The following GIPC3 variants were observed in gnomAD, a reference collection of about 807,000 sequenced individuals.
The protein encoded by GIPC3 is GIPC PDZ domain containing family member 3.
GIPC3 carries 16 observed loss-of-function variants against 27.3 expected under a neutral mutation model. The ratio of observed to expected loss-of-function variants is 0.59; its 90% CI spans 0.40 to 0.89. The LOEUF is 0.89. GIPC3 is among the 40% of genes least tolerant of loss of function. The pLI is 0.00. For missense variants in GIPC3, 440 were observed against 442.1 expected, an observed-to-expected ratio of 1.00 and a Z score of 0.04; for synonymous variants, 194 against 184.6, an observed-to-expected ratio of 1.05 and a Z score of -0.41.
chr19:3,593,276 CG>C lies in GIPC3; in HGVS notation c.*3092del, dbSNP rs2032524704. 8.1e-7 allele frequency: 1 copy of C among 1,232,402 alleles called. No individual in the cohort carries two copies. Among genetic ancestry groups the C allele is most frequent in the Non-Finnish European group, 1.0e-6 (1 of 988,198 alleles). The allele number at this position is 1,232,402 out of a possible 1,614,324, so 76.3% of individuals were successfully genotyped here. On this transcript the variant is annotated 3_prime_UTR_variant, in exon 6 of 6. Transcript: ENST00000644452. ...GGGAGCCAGGAGCCCGCCCTTACCG[CG>C]GGGGGCCGTAGCTTGGCTGTGACTT...
Position 3,591,463 on chromosome 19 carries a change from C to T in GIPC3, c.*1273C>T, listed in dbSNP as rs559163674. The T allele has an allele frequency of 8.0e-5, 99 of 1,232,332 alleles. No individual in the cohort carries two copies. The highest frequency in any genetic ancestry group is 9.5e-5 in the East Asian group (3 of 31,702). The allele number at this position is 1,232,332 out of a possible 1,614,324, so 76.3% of individuals were successfully genotyped here. On this transcript the variant is annotated 3_prime_UTR_variant, in exon 6 of 6. Coordinates refer to ENST00000644452, the MANE Select transcript of GIPC3 (RefSeq NM_133261.3). ...GACTCTGGAACTCTGGACAGCTCCA[C>T]GATGCAGCCACACCTGGACACTCGG...
In GIPC3 at chr19:3,591,641, G is replaced by T. The variant is rs1440191412; in HGVS notation, c.*1451G>T. On this transcript the variant is annotated 3_prime_UTR_variant, in exon 6 of 6. Transcript: ENST00000644452. Reference sequence around the variant, plus strand: ...CCAGCTCAGAAACCCAGGTCCACACGGCTGCCCAGTCCAGATCCCAACCCC... The same window carrying T: ...CCAGCTCAGAAACCCAGGTCCACACTGCTGCCCAGTCCAGATCCCAACCCC... 39 of 1,233,556 alleles carry T rather than the reference G, an allele frequency of 3.2e-5. No homozygotes were observed. Among genetic ancestry groups the T allele is most frequent in the Non-Finnish European group, 3.8e-5 (38 of 989,400 alleles). 76.4% of individuals were successfully genotyped at this position (1,233,556 alleles called of 1,614,324 possible). A position where few individuals can be genotyped will look rare whatever the true frequency, so the allele number is the denominator to read the frequency against.
Position 3,586,507 on chromosome 19 carries a change from A to G in GIPC3, c.238A>G (p.Thr80Ala). ...GIAPTEILFC[T>A]LNSHKVDMQK... is the part of the protein sequence containing the mutation. ...CTCCCCCGGGAAGATTTTATTCTGC[A>G]CCCTCAACAGCCACAAAGTGGACAT... is the stretch of plus-strand genomic sequence containing the variant. The change falls in exon 2 of 6, where the codon ACC becomes GCC. Residue 80 changes from threonine to alanine, a missense_variant. Thr to Ala is a moderately conservative substitution (Grantham distance 58, BLOSUM62 0). Coordinates refer to ENST00000644452, the MANE Select transcript of GIPC3 (RefSeq NM_133261.3). 1.2e-6 allele frequency: 2 copies of G among 1,613,456 alleles called. No individual in the cohort carries two copies. Among genetic ancestry groups the G allele is most frequent in the Non-Finnish European group, 1.7e-6 (2 of 1,179,938 alleles).
chr19:3,591,734 G>T lies in GIPC3; in HGVS notation c.*1544G>T, dbSNP rs539171904. ...GCTCCAGTGATGATTCCAGCTCTGAGACTGAGCCCAGCTCTAGAACCTCGC... is the reference window on the plus strand; with the variant it reads ...GCTCCAGTGATGATTCCAGCTCTGATACTGAGCCCAGCTCTAGAACCTCGC... On this transcript the variant is annotated 3_prime_UTR_variant, in exon 6 of 6. Transcript: ENST00000644452. The T allele has an allele frequency of 3.0e-5, 37 of 1,233,554 alleles. No individual in the cohort carries two copies. In the African/African-American group the frequency reaches 5.7e-4, roughly 19 times the overall value. The allele number at this position is 1,233,554 out of a possible 1,614,324, so 76.4% of individuals were successfully genotyped here. A position where few individuals can be genotyped will look rare whatever the true frequency, so the allele number is the denominator to read the frequency against.
rs1296034628 is a variant in GIPC3 at position 3,586,575 on chromosome 19, C to G, written c.306C>G (p.Ile102Met). ...GTCAGATAGGCCTGGAGGACTTCAT[C>G]TTTGCCCACGTGCGAGGCGAGACCA... ...LGGQIGLEDFIFAHVRGETKE... is the reference protein window; with the variant it reads ...LGGQIGLEDFMFAHVRGETKE... Residue 102 changes from isoleucine to methionine, a missense_variant, in exon 2 of 6, where the codon ATC becomes ATG. By Grantham distance (10) the Ile-to-Met change is conservative. Coordinates refer to ENST00000644452, the MANE Select transcript of GIPC3 (RefSeq NM_133261.3). 1 of 1,613,738 alleles carries G rather than the reference C, an allele frequency of 6.2e-7. No homozygotes were observed. The highest frequency in any genetic ancestry group is 1.3e-5 in the African/African-American group (1 of 74,892).
chr19:3,592,399 G>A lies in GIPC3; in HGVS notation c.*2209G>A, dbSNP rs1390329669. On this transcript the variant is annotated 3_prime_UTR_variant, in exon 6 of 6. Coordinates refer to ENST00000644452, the MANE Select transcript of GIPC3 (RefSeq NM_133261.3). Reference sequence around the variant, plus strand: ...AGCTCAAGAATTCAAGCCAGCTCTGGAAGTCAGCTTAGTTCGGGAACCCAG... The same window carrying A: ...AGCTCAAGAATTCAAGCCAGCTCTGAAAGTCAGCTTAGTTCGGGAACCCAG... 3.2e-6 allele frequency: 4 copies of A among 1,231,900 alleles called. No homozygotes were observed. The highest frequency in any genetic ancestry group is 4.0e-6 in the Non-Finnish European group (4 of 987,992). 76.3% of individuals were successfully genotyped at this position (1,231,900 alleles called of 1,614,324 possible).
At position 3,586,538 on chromosome 19, in the gene GIPC3, A is replaced by G; in HGVS notation, c.269A>G (p.Lys90Arg). The G allele has an allele frequency of 6.2e-7, 1 of 1,613,936 alleles. No homozygotes were observed. The highest frequency in any genetic ancestry group is 1.1e-5 in the South Asian group (1 of 91,088). The change falls in exon 2 of 6, where the codon AAG becomes AGG. Residue 90 changes from lysine (K) to arginine (R), a missense_variant. By Grantham distance (26) the Lys-to-Arg change is conservative (BLOSUM62 2). Coordinates refer to ENST00000644452, the MANE Select transcript of GIPC3 (RefSeq NM_133261.3). ...TLNSHKVDMQKLLGGQIGLED... is the reference protein window; with the variant it reads ...TLNSHKVDMQRLLGGQIGLED... The stretch of plus-strand genomic sequence containing the variant: ...AACAGCCACAAAGTGGACATGCAGA[A>G]GCTCCTGGGGGGTCAGATAGGCCTG...
chr19:3,591,360 C>T lies in GIPC3; in HGVS notation c.*1170C>T. 8.1e-7 allele frequency: 1 copy of T among 1,232,482 alleles called. No individual in the cohort carries two copies. Among genetic ancestry groups the T allele is most frequent in the Non-Finnish European group, 1.0e-6 (1 of 988,294 alleles). The allele number at this position is 1,232,482 out of a possible 1,614,324, so 76.3% of individuals were successfully genotyped here. A position where few individuals can be genotyped will look rare whatever the true frequency, so the allele number is the denominator to read the frequency against. ...TGGAACCCAGACACATTTTAAGACC[C>T]AGACCAGCTTGGAGACCAATCCCAG... On this transcript the variant is annotated 3_prime_UTR_variant, in exon 6 of 6. Coordinates refer to ENST00000644452, the MANE Select transcript of GIPC3 (RefSeq NM_133261.3).
At position 3,590,057 on chromosome 19, in the gene GIPC3, C is replaced by T. The variant is rs762794106; in HGVS notation, c.806C>T (p.Thr269Met). Residue 269 changes from threonine (T) to methionine (M), a missense_variant, in exon 6 of 6, where the codon ACG becomes ATG. Transcript: ENST00000644452. The part of the protein sequence containing the change: ...DPELASTMVE[T>M]SKKTASAQEF... ...CCCGCAGCGTCCACCATGGTGGAGA[C>T]GTCCAAGAAGACAGCGAGCGCCCAG... 14 of 1,612,120 alleles carry T rather than the reference C, an allele frequency of 8.7e-6. No individual in the cohort carries two copies. Among genetic ancestry groups the T allele is most frequent in the Admixed American group, 5.0e-5 (3 of 59,584 alleles).
At position 3,592,428 on chromosome 19, in the gene GIPC3, A is replaced by T; in HGVS notation, c.*2238A>T. On this transcript the variant is annotated 3_prime_UTR_variant, in exon 6 of 6. Transcript: ENST00000644452. ...TCAGCTTAGTTCGGGAACCCAGCTG[A>T]TTTCCGGAGCCCAACCCAGCTCCAG... The T allele has an allele frequency of 8.1e-7, 1 of 1,231,876 alleles. No individual in the cohort carries two copies. Among genetic ancestry groups the T allele is most frequent in the South Asian group, 4.1e-5 (1 of 24,304 alleles). The allele number at this position is 1,231,876 out of a possible 1,614,324, so 76.3% of individuals were successfully genotyped here.
chr19:3,591,610 C>G lies in GIPC3; in HGVS notation c.*1420C>G. 1 of 1,233,058 alleles carries G rather than the reference C, an allele frequency of 8.1e-7. No homozygotes were observed. The highest frequency in any genetic ancestry group is 1.0e-6 in the Non-Finnish European group (1 of 988,812). The allele number at this position is 1,233,058 out of a possible 1,614,324, so 76.4% of individuals were successfully genotyped here. ...TCCCAAATCAAATCCTATTCAAGAACTCAGACCAGCTCAGAAACCCAGGTC... is the reference window on the plus strand; with the variant it reads ...TCCCAAATCAAATCCTATTCAAGAAGTCAGACCAGCTCAGAAACCCAGGTC... On this transcript the variant is annotated 3_prime_UTR_variant, in exon 6 of 6. Transcript: ENST00000644452.
In GIPC3 at chr19:3,589,453, C is replaced by G. The variant is rs1349250008; in HGVS notation, c.603C>G (p.Gly201=). The G allele has an allele frequency of 6.2e-7, 1 of 1,613,254 alleles. No individual in the cohort carries two copies. The highest frequency in any genetic ancestry group is 1.7e-5 in the Admixed American group (1 of 59,992). The change falls in exon 4 of 6, where the codon GGC becomes GGG. Residue 201 remains glycine, a synonymous_variant. Coordinates refer to ENST00000644452, the MANE Select transcript of GIPC3 (RefSeq NM_133261.3). ...CTCTGTTCCCTCCAGATATGATTGGCCAGAGAAGTCGGTCCAGCAAATGTC... is the reference window on the plus strand; with the variant it reads ...CTCTGTTCCCTCCAGATATGATTGGGCAGAGAAGTCGGTCCAGCAAATGTC... The part of the protein sequence containing the change: ...VQPKRAFDMI[G]QRSRSSKCPV...
Position 3,592,337 on chromosome 19 carries a change from T to C in GIPC3, c.*2147T>C. On this transcript the variant is annotated 3_prime_UTR_variant, in exon 6 of 6. Transcript: ENST00000644452. ...AGCAGAGCAGTTCTGAAAGTCAGCT[T>C]AGCTTTGGAACTCAGCCCAGCTCTG... 8.1e-7 allele frequency: 1 copy of C among 1,231,744 alleles called. No homozygotes were observed. The highest frequency in any genetic ancestry group is 1.0e-6 in the Non-Finnish European group (1 of 987,858). The allele number at this position is 1,231,744 out of a possible 1,614,324, so 76.3% of individuals were successfully genotyped here.
Position 3,585,740 on chromosome 19 carries a change from C to A in GIPC3, c.143C>A (p.Pro48His). 1 of 1,542,038 alleles carries A rather than the reference C, an allele frequency of 6.5e-7. No individual in the cohort carries two copies. The part of the protein sequence containing the change: ...VFRTQLAHGS[P>H]TGKIEGFTNV... ...CGCACGCAGCTGGCGCACGGGAGCC[C>A]CACGGGCAAGATCGAGGGCTTCACC... is the stretch of plus-strand genomic sequence containing the variant. The change falls in exon 1 of 6, where the codon CCC becomes CAC. Residue 48 changes from proline to histidine, a missense_variant. Physicochemically the swap from Pro to His is moderately conservative, Grantham distance 77. Coordinates refer to ENST00000644452, the MANE Select transcript of GIPC3 (RefSeq NM_133261.3).
chr19:3,591,562 T>C lies in GIPC3; in HGVS notation c.*1372T>C. On this transcript the variant is annotated 3_prime_UTR_variant, in exon 6 of 6. Transcript: ENST00000644452. Reference sequence around the variant, plus strand: ...AAGCAGCCCAGCTCTGGAACCCCAGTCAGCTCAGGATTCAGAGACAGCTCC... The same window carrying C: ...AAGCAGCCCAGCTCTGGAACCCCAGCCAGCTCAGGATTCAGAGACAGCTCC... The C allele has an allele frequency of 8.1e-7, 1 of 1,232,434 alleles. No homozygotes were observed. The highest frequency in any genetic ancestry group is 3.2e-5 in the East Asian group (1 of 31,700). 76.3% of individuals were successfully genotyped at this position (1,232,434 alleles called of 1,614,324 possible).
rs775765891 is a variant in GIPC3 at position 3,586,862 on chromosome 19, G to T, written c.460G>T (p.Gly154Cys). 9 of 1,613,602 alleles carry T rather than the reference G, an allele frequency of 5.6e-6. No homozygotes were observed. The highest frequency in any genetic ancestry group is 6.8e-6 in the Non-Finnish European group (8 of 1,180,006). Residue 154 changes from glycine (G) to cysteine (C), a missense_variant, in exon 3 of 6, where the codon GGT becomes TGT. By Grantham distance (159) the Gly-to-Cys change is radical. Coordinates refer to ENST00000644452, the MANE Select transcript of GIPC3 (RefSeq NM_133261.3). ...CAACCGGATCGAGGCAGTGTGCGTG[G>T]GTGACAGCATCGAAGCCATCAACGA... ...IINRIEAVCV[G>C]DSIEAINDHS...
At position 3,590,967 on chromosome 19, in the gene GIPC3, C is replaced by A; in HGVS notation, c.*777C>A. Reference sequence around the variant, plus strand: ...GACAGAGCCCAGTATTGAGACCAAGCCCTGTTCTAGAGTCCAGGCCAGCTC... The same window carrying A: ...GACAGAGCCCAGTATTGAGACCAAGACCTGTTCTAGAGTCCAGGCCAGCTC... On this transcript the variant is annotated 3_prime_UTR_variant, in exon 6 of 6. Coordinates refer to ENST00000644452, the MANE Select transcript of GIPC3 (RefSeq NM_133261.3). 1 of 1,233,404 alleles carries A rather than the reference C, an allele frequency of 8.1e-7. No homozygotes were observed. The highest frequency in any genetic ancestry group is 1.0e-6 in the Non-Finnish European group (1 of 989,052). 76.4% of individuals were successfully genotyped at this position (1,233,404 alleles called of 1,614,324 possible).
intron 5 of GIPC3, 23 bp downstream of exon 5, chr19:3,589,935 G>A: frequency 1.9e-6 from 3 of 1,613,648 alleles, no homozygotes. Context: ...GGTAAGCCAG[G>A]GGGCCCTGGG....
rs530032357 is a variant in GIPC3, at chr19:3,589,382, G to C, written c.593-61G>C. ...AAAGGCTCGGCTGTTGGCCTCCCAG[G>C]GTTTACAAAGATGTGGCTCCACCCA... On this transcript the variant is annotated intron_variant, in intron 3 of 5. Transcript: ENST00000644452. 1,195 of 1,250,852 alleles carry C rather than the reference G, an allele frequency of 9.6e-4. 9 individuals carry two copies. Among genetic ancestry groups the C allele is most frequent in the South Asian group, 2.4e-3 (198 of 83,710 alleles). The allele number at this position is 1,250,852 out of a possible 1,614,324, so 77.5% of individuals were successfully genotyped here. A position where few individuals can be genotyped will look rare whatever the true frequency, so the allele number is the denominator to read the frequency against.
Sources: allele counts gnomAD v4.1 joint callset, GRCh38; gene constraint gnomAD v4.1.1; transcripts MANE v1.5; gene names NCBI Gene and HGNC (gene_info 2026-07-23, HGNC 2026-07-21).